HS6ST3: variants seen among roughly 807,000 people sequenced by gnomAD.
HS6ST3 encodes the protein heparan-sulfate 6-O-sulfotransferase 3.
In HS6ST3, 12 loss-of-function variants were observed where a neutral mutation model predicts 36.7. The ratio of observed to expected loss-of-function variants is 0.33; its 90% CI spans 0.21 to 0.53. The LOEUF is 0.53. HS6ST3 is among the 20% of genes least tolerant of loss of function. HS6ST3 has a pLI of 0.95. For synonymous variants in HS6ST3, 240 were observed against 257.5 expected (o/e 0.93, Z 0.65); for missense variants, 584 against 640.9 (o/e 0.91, Z 0.96).
At chr13:96,192,763 G>T (rs1401098881) in intron 1 of HS6ST3, among the ~76,000 whole-genome samples, 1 of 151,716 alleles carries the variant, frequency 6.6e-6, no homozygotes, top group Non-Finnish European at 1.5e-5. Context: ...TTCTACTTTG[G>T]GTAGATACTC....
chr13:96,455,381 A>C (rs1346165095), intron 1 of HS6ST3, among the ~76,000 whole-genome samples: 1 of 151,372 alleles, frequency 6.6e-6, no homozygotes. Flanking sequence ...CACTATGCCC[A>C]GCTACATTTT....
intron 1 of HS6ST3, among the ~76,000 whole-genome samples, chr13:96,322,299 C>G (rs1594752867): frequency 6.6e-6 from 1 of 150,744 alleles, no homozygotes; most frequent in South Asian, 2.1e-4. Context: ...ATTCCCAGCA[C>G]TTTGAGAGGC....
chr13:96,557,534 T>G (rs2056245631), intron 1 of HS6ST3, among the ~76,000 whole-genome samples: 2 of 152,200 alleles, frequency 1.3e-5, no homozygotes, highest in Non-Finnish European at 2.9e-5. Context: ...TGGACTGGAT[T>G]GCTGGGAAAA....
chr13:96,183,935 G>T (rs553785135), intron 1 of HS6ST3, among the ~76,000 whole-genome samples: 1 of 152,230 alleles, frequency 6.6e-6, no homozygotes, highest in East Asian at 1.9e-4. Flanking sequence ...AGGCATGGTG[G>T]CTCACGCCTG....
intron 1 of HS6ST3, among the ~76,000 whole-genome samples, chr13:96,225,549 G>C (rs2139364748): frequency 6.6e-6 from 1 of 152,294 alleles, no homozygotes; most frequent in African/African-American, 2.4e-5. Context: ...TGATGGAGGA[G>C]GTAGTACTAG....
At chr13:96,641,254 A>G (rs1421661905) in intron 1 of HS6ST3, among the ~76,000 whole-genome samples, 1 of 151,772 alleles carries the variant, frequency 6.6e-6, no homozygotes, top group Non-Finnish European at 1.5e-5. Context: ...ATGTATTCCT[A>G]GGTACTTTTT....
chr13:96,463,179 G>A (rs150853390), intron 1 of HS6ST3, among the ~76,000 whole-genome samples: 90 of 152,140 alleles, frequency 5.9e-4, no homozygotes, highest in African/African-American at 2.0e-3. Flanking sequence ...GAGAATACCC[G>A]AGACACCCAA....
At chr13:96,669,733 T>C (rs1158637255) in intron 1 of HS6ST3, among the ~76,000 whole-genome samples, 2 of 152,122 alleles carry the variant, frequency 1.3e-5, no homozygotes, top group Non-Finnish European at 2.9e-5. Context: ...GTGTTTAAAA[T>C]AGTAAAAATT....
At chr13:96,133,920 A>G (rs1262021425) in intron 1 of HS6ST3, among the ~76,000 whole-genome samples, 1 of 151,576 alleles carries the variant, frequency 6.6e-6, no homozygotes, top group Non-Finnish European at 1.5e-5. Flanking sequence ...AGTTGATTAA[A>G]TGGATTAAAA....
intron 1 of HS6ST3, among the ~76,000 whole-genome samples, chr13:96,819,320 A>G (rs1368522455): frequency 6.6e-6 from 1 of 152,208 alleles, no homozygotes; most frequent in Non-Finnish European, 1.5e-5. Context: ...TGAAGTCTGG[A>G]ACACTACCTA....
intron 1 of HS6ST3, among the ~76,000 whole-genome samples, chr13:96,162,406 A>G (rs1180927309): frequency 6.6e-6 from 1 of 152,386 alleles, no homozygotes; most frequent in Admixed American, 6.5e-5. Context: ...GGTAGGCGAC[A>G]GCGCCACTGA....
chr13:96,743,836 C>CT (rs1381042092), intron 1 of HS6ST3, among the ~76,000 whole-genome samples: 2 of 151,988 alleles, frequency 1.3e-5, no homozygotes, highest in Non-Finnish European at 2.9e-5. Flanking sequence ...CCTTACAACT[C>CT]TTTTTTCCTG....
chr13:96,609,691 T>A (rs1156502958), intron 1 of HS6ST3, among the ~76,000 whole-genome samples: 1 of 152,202 alleles, frequency 6.6e-6, no homozygotes, highest in Non-Finnish European at 1.5e-5. Context: ...ATCTGCAAGA[T>A]CATAGGAACA....
rs576989348 is a variant in HS6ST3, at chr13:96,238,136, A to G, written c.707+146567A>G. ...CCTTATCTCAGTAAAGACTACTATC[A>G]TCTATCTAGTTGTTTAGGAAAGAAC... On this transcript the variant is annotated intron_variant, in intron 1 of 1. Coordinates refer to ENST00000376705, the MANE Select transcript of HS6ST3 (RefSeq NM_153456.4). Among the ~76,000 whole-genome samples the G allele has an allele frequency of 1.7e-4, 26 of 151,998 alleles. No homozygotes were observed. The South Asian group carries it at 4.8e-3, about 28-fold the overall frequency.
intron 1 of HS6ST3, among the ~76,000 whole-genome samples, chr13:96,676,871 C>A (rs906867095): frequency 6.6e-6 from 1 of 152,130 alleles, no homozygotes; most frequent in African/African-American, 2.4e-5. Flanking sequence ...TATTTTGCTT[C>A]TTCTAGCATC....
intron 1 of HS6ST3, among the ~76,000 whole-genome samples, chr13:96,511,216 T>C (rs1422905098): frequency 1.3e-5 from 2 of 152,164 alleles, no homozygotes; most frequent in Non-Finnish European, 2.9e-5. Context: ...CATGCTGAGA[T>C]GGACACGCTT....
rs67979751 is a variant in HS6ST3 at position 96,614,297 on chromosome 13, CAAAAAAAAAAAAAAAAAAA to C, written c.708-218180_708-218162del. 1.8e-4 allele frequency among the ~76,000 whole-genome samples: 8 copies of C among 43,974 alleles called. No individual in the cohort carries two copies. The South Asian group carries it at 7.2e-3, about 39-fold the overall frequency. 28.8% of individuals were successfully genotyped at this position (43,974 alleles called of 152,430 possible). A position where few individuals can be genotyped will look rare whatever the true frequency, so the allele number is the denominator to read the frequency against. ...TGGGCAACAGAGCAAGGATCCATCT[CAAAAAAAAAAAAAAAAAAA>C]AAAAAAAAAAAACAGTTATTACCAG... On this transcript the variant is annotated intron_variant, in intron 1 of 1. Transcript: ENST00000376705.
At chr13:96,491,995 C>A (rs1353164917) in intron 1 of HS6ST3, among the ~76,000 whole-genome samples, 1 of 152,136 alleles carries the variant, frequency 6.6e-6, no homozygotes, top group Non-Finnish European at 1.5e-5. Context: ...TTTCTGGCCC[C>A]CCACAATGAG....
chr13:96,094,701 G>A (rs2053781468), intron 1 of HS6ST3, among the ~76,000 whole-genome samples: 1 of 152,174 alleles, frequency 6.6e-6, no homozygotes, highest in African/African-American at 2.4e-5. Context: ...ACTTCAAGGG[G>A]CCATCATATG....
Sources: gnomAD v4.1 joint callset for allele counts (sites outside exome capture counted in the v4.1 genomes callset) on GRCh38, gnomAD v4.1.1 for gene constraint, MANE v1.5 for transcripts, NCBI Gene and HGNC (gene_info 2026-07-23, HGNC 2026-07-21) for gene names.